DMD: variants seen among roughly 807,000 people sequenced by gnomAD.
The protein encoded by DMD is dystrophin.
DMD carries 63 observed loss-of-function variants against 330.1 expected under a neutral mutation model. The ratio of observed to expected loss-of-function variants is 0.19; its 90% CI spans 0.16 to 0.24. The LOEUF is 0.24. Among genes scored for constraint, DMD ranks in the 10% least tolerant of loss-of-function variants. DMD has a pLI of 1.00. For synonymous variants in DMD, 1,223 were observed against 959.8 expected, an observed-to-expected ratio of 1.27 and a Z score of -5.07; for missense variants, 3,344 against 2,684.1, an observed-to-expected ratio of 1.25 and a Z score of -5.43.
At chrX:32,132,993 C>CTTTTTTTTTTTTTTTTTTT (rs377615262) in intron 44 of DMD, among the ~76,000 whole-genome samples, 8 of 75,977 alleles carry the variant, frequency 1.1e-4, no homozygotes, top group Admixed American at 6.7e-4. Context: ...CTTTTCTTTT[C>CTTTTTTTTTTTTTTTTTTT]TTTTTTTTTT....
chrX:32,807,122 T>TTAAAAAAAAAAAAAAAAAAAA (rs1345640031), intron 7 of DMD, among the ~76,000 whole-genome samples: 4 of 20,740 alleles, frequency 1.9e-4, no homozygotes, highest in African/African-American at 8.8e-4. Context: ...CGGAAACATT[T>TTAAAAAAAAAAAAAAAAAAAA]AAAAAAAAAA....
chrX:31,561,054 C>T (rs1401526268), intron 55 of DMD, among the ~76,000 whole-genome samples: 4 of 111,870 alleles, frequency 3.6e-5, no homozygotes, highest in Non-Finnish European at 7.5e-5. Context: ...GCTCCCTTTG[C>T]CCTGTTCTTA....
chrX:33,172,715 A>AC (rs2049422670), intron 1 of DMD, among the ~76,000 whole-genome samples: 1 of 112,153 alleles, frequency 8.9e-6, no homozygotes, highest in East Asian at 2.8e-4. Context: ...AGGAGGAAGT[A>AC]TTTCACCAGT....
chrX:31,863,028 C>A (rs2093734091), intron 48 of DMD, among the ~76,000 whole-genome samples: 1 of 112,769 alleles, frequency 8.9e-6, no homozygotes, highest in Admixed American at 9.3e-5. Context: ...CTGAGGCTGC[C>A]CGCACCCAGG....
chrX:31,444,716 G>C (rs2065163017), intron 59 of DMD, 89 bp from the exon 60 acceptor site: 1 of 984,681 alleles, frequency 1.0e-6, no homozygotes, highest in Non-Finnish European at 1.4e-6. Context: ...TTAGGGTGCA[G>C]TGCCAGTAAT....
rs182702219 is a variant in DMD at position 31,446,267 on chromosome X, C to T, written c.8938-1640G>A. Among the ~76,000 whole-genome samples the T allele has an allele frequency of 4.5e-5, 5 of 111,828 alleles. No homozygotes were observed. In the Admixed American group the frequency reaches 4.8e-4, roughly 11 times the overall value. ...TGAACTTAAAGTTTTAAAAAGTGGT[C>T]ATTAAAAACATTACGTTAAGCAATC... On this transcript the variant is annotated intron_variant, in intron 59 of 78. Coordinates refer to ENST00000357033, the MANE Select transcript of DMD (RefSeq NM_004006.3).
chrX:32,350,747 G>C (rs1003404259), intron 37 of DMD, among the ~76,000 whole-genome samples: 1 of 111,144 alleles, frequency 9.0e-6, no homozygotes, highest in African/African-American at 3.3e-5. Context: ...CATCTATTGA[G>C]TATAAATAGA....
At chrX:32,448,378 C>T in intron 27 of DMD, 78 bp downstream of exon 27, 10 of 1,101,201 alleles carry the variant, frequency 9.1e-6, no homozygotes, top group Non-Finnish European at 1.3e-5. Context: ...GCACTGGTAT[C>T]CATGTTCTTA....
chrX:32,407,822 A>G (rs984933593), intron 30 of DMD, among the ~76,000 whole-genome samples: 3 of 108,743 alleles, frequency 2.8e-5, no homozygotes, highest in Admixed American at 2.0e-4. Flanking sequence ...TGTCCTTTGT[A>G]GGGACATGGA....
chrX:31,742,130 T>C (rs1013752091), intron 51 of DMD, among the ~76,000 whole-genome samples: 1 of 112,383 alleles, frequency 8.9e-6, no homozygotes, highest in South Asian at 3.7e-4. Flanking sequence ...TAGATTAGCC[T>C]TTTGCTTAAG....
At chrX:32,176,870 C>T (rs758004793) in intron 44 of DMD, among the ~76,000 whole-genome samples, 3 of 111,524 alleles carry the variant, frequency 2.7e-5, no homozygotes, top group Non-Finnish European at 5.7e-5. Flanking sequence ...ATCCAAAATA[C>T]GTTTACTCTC....
intron 15 of DMD, among the ~76,000 whole-genome samples, chrX:32,567,259 T>A (rs2051837540): frequency 8.9e-6 from 1 of 112,676 alleles, no homozygotes; most frequent in Non-Finnish European, 1.9e-5. Flanking sequence ...GTTTCATCTC[T>A]AATTTTTCCT....
chrX:32,787,241 TGTGTGTGAGA>T (rs1402057229), intron 7 of DMD, among the ~76,000 whole-genome samples: 1 of 96,220 alleles, frequency 1.0e-5, no homozygotes, highest in Admixed American at 1.1e-4. Context: ...TGTGTGTGTG[TGTGTGTGAGA>T]GAGAGAGAGA....
intron 72 of DMD, among the ~76,000 whole-genome samples, 163 bp downstream of exon 72, chrX:31,173,373 AAAC>A: frequency 8.9e-6 from 1 of 112,140 alleles, no homozygotes; most frequent in Non-Finnish European, 1.9e-5. Context: ...TGGTGACCAA[AAAC>A]AACATGCAGT....
intron 49 of DMD, among the ~76,000 whole-genome samples, chrX:31,829,173 T>C (rs1466765942): frequency 9.0e-6 from 1 of 111,527 alleles, no homozygotes; most frequent in African/African-American, 3.3e-5. Context: ...AGCTAAGCTA[T>C]GAGGATACAA....
chrX:33,087,377 A>T (rs1346402443), intron 1 of DMD, among the ~76,000 whole-genome samples: 1 of 112,421 alleles, frequency 8.9e-6, no homozygotes, highest in Admixed American at 9.5e-5. Flanking sequence ...TTTAGTTCAT[A>T]TGGCGAGACC....
chrX:32,154,879 A>C (rs746572963), intron 44 of DMD, among the ~76,000 whole-genome samples: 1 of 109,981 alleles, frequency 9.1e-6, no homozygotes, highest in East Asian at 2.9e-4. Flanking sequence ...ATTGCCTGTT[A>C]CTGTTAAACT....
intron 55 of DMD, among the ~76,000 whole-genome samples, chrX:31,543,322 C>T (rs2073952378): frequency 9.0e-6 from 1 of 110,997 alleles, no homozygotes; most frequent in Non-Finnish European, 1.9e-5. Flanking sequence ...AGGTGCCCAC[C>T]ACCACTCCTA....
chrX:32,922,543 TACA>T (rs1285928734), intron 2 of DMD, among the ~76,000 whole-genome samples: 1 of 112,298 alleles, frequency 8.9e-6, no homozygotes, highest in African/African-American at 3.2e-5. Context: ...TCAAGCACAT[TACA>T]ACATTTATCA....
Sources: allele counts gnomAD v4.1 joint callset (sites outside exome capture counted in the v4.1 genomes callset), GRCh38; gene constraint gnomAD v4.1.1; transcripts MANE v1.5; gene names NCBI Gene and HGNC (gene_info 2026-07-23, HGNC 2026-07-21).